HSH2D: variants seen among roughly 807,000 people sequenced by gnomAD.
The protein encoded by HSH2D is hematopoietic SH2 domain-containing protein.
A neutral mutation model predicts 21.5 loss-of-function variants in HSH2D; 16 were observed. That is an observed-to-expected ratio of 0.74 (90% CI 0.50 to 1.13). The LOEUF (loss-of-function observed/expected upper bound fraction) is 1.13. Ranked by LOEUF, HSH2D falls within the 50% of genes most tolerant of loss-of-function variation. The pLI, the probability that HSH2D is intolerant of heterozygous loss-of-function variation, is 0.00. For synonymous variants in HSH2D, 172 were observed against 184.7 expected, an observed-to-expected ratio of 0.93 and a Z score of 0.56; for missense variants, 418 against 441.4, an observed-to-expected ratio of 0.95 and a Z score of 0.47.
chr19:16,141,462 C>T (rs1451235107), upstream of HSH2D, among the ~76,000 whole-genome samples: 1 of 152,202 alleles, frequency 6.6e-6, no homozygotes, highest in Non-Finnish European at 1.5e-5. Context: ...GCTGGCCAAT[C>T]TGTTAGGCAC....
chr19:16,152,577 C>G lies in HSH2D; in HGVS notation c.151C>G (p.Gln51Glu). Residue 51 changes from glutamine to glutamate, a missense_variant, in exon 3 of 6, where the codon CAG becomes GAG. By Grantham distance (29) the Gln-to-Glu change is conservative. Transcript: ENST00000613986. Reference sequence around the variant, plus strand: ...GGATGCTGAGAACTTGCTGGAGTCACAGCCACTGGGATCCTTTCTCATCAG... The same window carrying G: ...GGATGCTGAGAACTTGCTGGAGTCAGAGCCACTGGGATCCTTTCTCATCAG... Reference protein sequence around the residue: ...REDAENLLESQPLGSFLIRVS... With the variant: ...REDAENLLESEPLGSFLIRVS... 6.6e-7 allele frequency: 1 copy of G among 1,507,262 alleles called. No homozygotes were observed. The highest frequency in any genetic ancestry group is 1.4e-5 in the African/African-American group (1 of 71,618). The allele number at this position is 1,507,262 out of a possible 1,614,324, so 93.4% of individuals were successfully genotyped here. A position where few individuals can be genotyped will look rare whatever the true frequency, so the allele number is the denominator to read the frequency against.
rs2091210081 is a variant in HSH2D at position 16,154,378 on chromosome 19, CA to C, written c.382-20del. On this transcript the variant is annotated intron_variant, in intron 4 of 5. Transcript: ENST00000613986. ...TTTCCCCCTCCCTAGTGCTGAGCTACAGGCCCCTTCCGCCCTGCAGAAGGAT... is the reference window on the plus strand; with the variant it reads ...TTTCCCCCTCCCTAGTGCTGAGCTACGGCCCCTTCCGCCCTGCAGAAGGAT... The C allele has an allele frequency of 1.3e-6, 2 of 1,523,680 alleles. No homozygotes were observed. Among genetic ancestry groups the C allele is most frequent in the Admixed American group, 2.0e-5 (1 of 50,648 alleles). The allele number at this position is 1,523,680 out of a possible 1,614,324, so 94.4% of individuals were successfully genotyped here. A position where few individuals can be genotyped will look rare whatever the true frequency, so the allele number is the denominator to read the frequency against.
At position 16,157,420 on chromosome 19, in the gene HSH2D, A is replaced by G; in HGVS notation, c.685A>G (p.Asn229Asp). The part of the protein sequence containing the change: ...QQLKSHLATV[N>D]LSSLLDVRRS... ...GCTAAAAAGCCACCTCGCCACTGTG[A>G]ACTTGTCGTCACTCTTGGATGTCCG... is the stretch of plus-strand genomic sequence containing the variant. The change falls in exon 6 of 6, where the codon AAC becomes GAC. Residue 229 changes from asparagine (N) to aspartate (D), a missense_variant. Physicochemically the swap from Asn to Asp is conservative, Grantham distance 23. Transcript: ENST00000613986. This position sits in a 1 kb window ranked among gnomAD's most constrained non-coding sequence, Gnocchi z 4.4. 6.2e-7 allele frequency: 1 copy of G among 1,613,812 alleles called. No individual in the cohort carries two copies. Among genetic ancestry groups the G allele is most frequent in the Non-Finnish European group, 8.5e-7 (1 of 1,179,846 alleles).
chr19:16,152,848 T>A (rs1378272418), intron 3 of HSH2D, 195 bp from the exon 4 acceptor site: 2 of 775,644 alleles, frequency 2.6e-6, no homozygotes, highest in East Asian at 2.7e-5. Flanking sequence ...TGTACTCCTG[T>A]GTTATAAATG....
intron 3 of HSH2D, 43 bp from the exon 4 acceptor site, chr19:16,153,000 T>A: frequency 6.3e-7 from 1 of 1,587,934 alleles, no homozygotes; most frequent in East Asian, 2.3e-5. Flanking sequence ...GGGGCAGGGA[T>A]GAGGGGGAGT....
rs28818772 is a variant in HSH2D at position 16,145,037 on chromosome 19, G to A, written c.-28+1263G>A. Reference sequence around the variant, plus strand: ...GGTGGTGATGGGTTTTTTTTTTGGGGTTTTTTTTTTTTTTTTTGTGAGACA... The same window carrying A: ...GGTGGTGATGGGTTTTTTTTTTGGGATTTTTTTTTTTTTTTTTGTGAGACA... On this transcript the variant is annotated intron_variant, in intron 1 of 5. Transcript: ENST00000613986. 1.8e-3 allele frequency among the ~76,000 whole-genome samples: 218 copies of A among 119,450 alleles called. 1 individual carries two copies. The highest frequency in any genetic ancestry group is 5.7e-3 in the African/African-American group (171 of 30,172). 78.4% of individuals were successfully genotyped at this position (119,450 alleles called of 152,430 possible). A position where few individuals can be genotyped will look rare whatever the true frequency, so the allele number is the denominator to read the frequency against.
intron 1 of HSH2D, among the ~76,000 whole-genome samples, chr19:16,146,834 T>C (rs2091077218): frequency 6.6e-6 from 1 of 151,864 alleles, no homozygotes; most frequent in African/African-American, 2.4e-5. Context: ...CTACTCTTTT[T>C]TTTTTTTTTG....
At chr19:16,150,904 T>C (rs1459363524) in intron 2 of HSH2D, among the ~76,000 whole-genome samples, 1 of 152,060 alleles carries the variant, frequency 6.6e-6, no homozygotes, top group Non-Finnish European at 1.5e-5. Flanking sequence ...CTTTTTTGTG[T>C]TGTTTTGGAA....
chr19:16,152,845 CTG>C lies in HSH2D; in HGVS notation c.216-194_216-193del, dbSNP rs1036614632. The C allele has an allele frequency of 2.2e-5, 17 of 775,760 alleles. No homozygotes were observed. The Admixed American group carries it at 3.4e-4, about 15-fold the overall frequency. The allele number at this position is 775,760 out of a possible 1,614,324, so 48.1% of individuals were successfully genotyped here. ...TTATCTGAGGCCAGCCTTTGTACTCCTGTGTTATAAATGGGGGAAACTGAGGC... is the reference window on the plus strand; with the variant it reads ...TTATCTGAGGCCAGCCTTTGTACTCCTGTTATAAATGGGGGAAACTGAGGC... On this transcript the variant is annotated intron_variant, in intron 3 of 5. Coordinates refer to ENST00000613986, the MANE Select transcript of HSH2D (RefSeq NM_001382417.1).
At chr19:16,148,441 A>G (rs1253901374) in intron 1 of HSH2D, among the ~76,000 whole-genome samples, 1 of 151,944 alleles carries the variant, frequency 6.6e-6, no homozygotes, top group African/African-American at 2.4e-5. Context: ...GAGCCACCGC[A>G]CCTGGCCAAA....
At chr19:16,153,403 C>T (rs141089367) in intron 4 of HSH2D, among the ~76,000 whole-genome samples, 195 bp downstream of exon 4, 69 of 152,380 alleles carry the variant, frequency 4.5e-4, no homozygotes, top group African/African-American at 1.6e-3. Flanking sequence ...CCCATGGCTC[C>T]GCCCTCCAGG....
chr19:16,154,581 G>T (rs1568332840), intron 5 of HSH2D, 90 bp downstream of exon 5: 1 of 708,382 alleles, frequency 1.4e-6, no homozygotes. Context: ...GCTCCTTCTA[G>T]AATGAGAATG....
intron 5 of HSH2D, among the ~76,000 whole-genome samples, chr19:16,155,435 A>C (rs77652959): frequency 0.018 from 2,796 of 152,014 alleles, 84 homozygotes; most frequent in African/African-American, 0.064. Flanking sequence ...GTGTGTTTGG[A>C]AAACAGAACA....
At chr19:16,143,879 T>C in intron 1 of HSH2D, 105 bp downstream of exon 1, 1 of 268,738 alleles carries the variant, frequency 3.7e-6, no homozygotes, top group East Asian at 1.4e-4. Flanking sequence ...CAGGAGGGAT[T>C]TTCTAGGGGC....
rs1212732886 is a variant in HSH2D, at chr19:16,153,135, A to G, written c.308A>G (p.Asp103Gly). Residue 103 changes from aspartate to glycine, a missense_variant, in exon 4 of 6, where the codon GAC (aspartate) becomes GGC (glycine). Asp to Gly is a moderately conservative substitution (Grantham distance 94). Coordinates refer to ENST00000613986, the MANE Select transcript of HSH2D (RefSeq NM_001382417.1). ...PGEKVAHTSL[D>G]ALVTFHQQKP... The stretch of plus-strand genomic sequence containing the variant: ...GAGAAGGTGGCCCACACCTCGCTGG[A>G]CGCCCTGGTCACCTTCCACCAGCAG... 1.4e-5 allele frequency: 22 copies of G among 1,592,774 alleles called. No homozygotes were observed. Among genetic ancestry groups the G allele is most frequent in the Non-Finnish European group, 1.9e-5 (22 of 1,170,496 alleles).
intron 1 of HSH2D, among the ~76,000 whole-genome samples, chr19:16,137,576 CAAA>C (rs78977060): frequency 2.9e-5 from 3 of 102,448 alleles, no homozygotes; most frequent in Non-Finnish European, 4.2e-5. Context: ...GACTCCGTCT[CAAA>C]AAAAAAAAAA....
chr19:16,155,351 G>A (rs2091223599), intron 5 of HSH2D, among the ~76,000 whole-genome samples: 1 of 152,124 alleles, frequency 6.6e-6, no homozygotes, highest in Non-Finnish European at 1.5e-5. Flanking sequence ...GTGAGGAGGA[G>A]CCAGTCATAC....
rs1568332757 is a variant in HSH2D, at chr19:16,154,463, CT to C, written c.447del (p.Ala150ProfsTer29). On this transcript the variant is annotated frameshift_variant, in exon 5 of 6. Transcript: ENST00000613986. LOFTEE classifies it low-confidence loss of function (END_TRUNC). ...FLYSNAVAEE[A>X]ACPVSAPEEA... ...TACTCCAACGCAGTGGCCGAGGAAG[CT>C]GCCTGCCCGGTGTCTGCCCCTGAGG... 1.3e-6 allele frequency: 2 copies of C among 1,552,714 alleles called. No homozygotes were observed. Among genetic ancestry groups the C allele is most frequent in the Non-Finnish European group, 1.7e-6 (2 of 1,147,648 alleles).
At chr19:16,152,808 T>C in intron 3 of HSH2D, 167 bp downstream of exon 3, 2 of 758,256 alleles carry the variant, frequency 2.6e-6, no homozygotes, top group Non-Finnish European at 2.3e-6. Flanking sequence ...CTTTTGTCCG[T>C]AGTGGCATGT....
Sources: allele counts gnomAD v4.1 joint callset (sites outside exome capture counted in the v4.1 genomes callset), GRCh38; gene constraint gnomAD v4.1.1; non-coding constraint Gnocchi (gnomAD v3.1); transcripts MANE v1.5; gene names NCBI Gene and HGNC (gene_info 2026-07-23, HGNC 2026-07-21).